Variants in WWOX observed in about 807,000 individuals in gnomAD.
WWOX encodes WW domain containing oxidoreductase.
WWOX carries 69 observed loss-of-function variants against 46.2 expected under a neutral mutation model. The observed-to-expected ratio is 1.49, with a 90% CI of 1.23 to 1.82. The LOEUF (loss-of-function observed/expected upper bound fraction) is 1.82. Among genes scored for constraint, WWOX ranks in the 40% most tolerant of loss-of-function variants. The pLI is 0.00. For synonymous variants in WWOX, 359 were observed against 202.6 expected (o/e 1.77, Z -6.56); for missense variants, 919 against 542.6 (o/e 1.69, Z -6.89).
intron 8 of WWOX, among the ~76,000 whole-genome samples, chr16:78,717,589 A>G (rs1005641913): frequency 6.6e-6 from 1 of 152,156 alleles, no homozygotes; most frequent in African/African-American, 2.4e-5. Flanking sequence ...GGAAGAGATT[A>G]ATGAGTTGGG....
intron 8 of WWOX, among the ~76,000 whole-genome samples, chr16:79,017,739 C>G (rs1257608025): frequency 6.6e-6 from 1 of 151,626 alleles, no homozygotes; most frequent in Non-Finnish European, 1.5e-5. Context: ...CTAAAAAAGC[C>G]ATGGGTTATT....
intron 8 of WWOX, among the ~76,000 whole-genome samples, chr16:78,843,733 C>T (rs1199846612): frequency 2.0e-5 from 3 of 152,180 alleles, no homozygotes; most frequent in African/African-American, 7.2e-5. Flanking sequence ...AAAACAAAGA[C>T]AGCCAGCATA....
At chr16:78,175,498 GCTT>G (rs1275976263) in intron 5 of WWOX, among the ~76,000 whole-genome samples, 1 of 152,160 alleles carries the variant, frequency 6.6e-6, no homozygotes, top group Non-Finnish European at 1.5e-5. Context: ...AGGCTTCGTG[GCTT>G]CTTCTTGCTC....
chr16:78,366,092 C>G (rs947331523), intron 5 of WWOX, among the ~76,000 whole-genome samples: 1 of 152,100 alleles, frequency 6.6e-6, no homozygotes, highest in Admixed American at 6.5e-5. Context: ...CCTAAATGCC[C>G]AGGTATTAGC....
chr16:79,133,395 G>A (rs1329525519), intron 8 of WWOX, among the ~76,000 whole-genome samples: 1 of 152,166 alleles, frequency 6.6e-6, no homozygotes, highest in Non-Finnish European at 1.5e-5. Flanking sequence ...AGCAAAGATT[G>A]ATGTCAATAT....
intron 8 of WWOX, among the ~76,000 whole-genome samples, chr16:78,889,943 G>A (rs1249955680): frequency 6.6e-6 from 1 of 152,064 alleles, no homozygotes; most frequent in African/African-American, 2.4e-5. Flanking sequence ...TAAATTAGAT[G>A]TGTACCATCT....
rs947569618 is a variant in WWOX, at chr16:78,868,686, T to C, written c.1057-342922T>C. ...CAGTTTAGCAAGAGTCACTCTGAGATTGAAGAGAGGAAGGGAACGTTGGAA... is the reference window on the plus strand; with the variant it reads ...CAGTTTAGCAAGAGTCACTCTGAGACTGAAGAGAGGAAGGGAACGTTGGAA... On this transcript the variant is annotated intron_variant, in intron 8 of 8. Transcript: ENST00000566780. 3.9e-5 allele frequency among the ~76,000 whole-genome samples: 6 copies of C among 152,172 alleles called. No homozygotes were observed. In the East Asian group the frequency reaches 1.2e-3, roughly 29 times the overall value.
chr16:78,422,993 C>T (rs145570766), intron 6 of WWOX, among the ~76,000 whole-genome samples: 2 of 150,526 alleles, frequency 1.3e-5, no homozygotes, highest in African/African-American at 2.5e-5. Flanking sequence ...TCAAGTGATT[C>T]TCCTGCCTTA....
At chr16:78,884,825 T>C (rs2044419703) in intron 8 of WWOX, among the ~76,000 whole-genome samples, 1 of 152,244 alleles carries the variant, frequency 6.6e-6, no homozygotes, top group Non-Finnish European at 1.5e-5. Flanking sequence ...AACAAAAAGT[T>C]CATGGACAAA....
At chr16:78,799,423 T>G (rs1262467604) in intron 8 of WWOX, among the ~76,000 whole-genome samples, 1 of 152,230 alleles carries the variant, frequency 6.6e-6, no homozygotes, top group Non-Finnish European at 1.5e-5. Flanking sequence ...TACCAGCATT[T>G]AAGGTTTTCT....
intron 8 of WWOX, among the ~76,000 whole-genome samples, chr16:78,682,158 A>T (rs192288381): frequency 1.0e-3 from 153 of 152,272 alleles, no homozygotes; most frequent in Non-Finnish European, 1.3e-3. Flanking sequence ...TATTTTTACT[A>T]ATTATTTTTT....
At chr16:79,083,033 C>G (rs926270678) in intron 8 of WWOX, among the ~76,000 whole-genome samples, 8 of 152,146 alleles carry the variant, frequency 5.3e-5, no homozygotes, top group Non-Finnish European at 1.2e-4. Context: ...CAGCAGAGAA[C>G]TTGGGGCCTC....
intron 8 of WWOX, among the ~76,000 whole-genome samples, chr16:78,443,415 C>A (rs779364173): frequency 1.3e-5 from 2 of 152,140 alleles, no homozygotes; most frequent in Non-Finnish European, 2.9e-5. Context: ...AGATTTTAAG[C>A]CCTCCAGTTG....
intron 4 of WWOX, among the ~76,000 whole-genome samples, chr16:78,120,338 A>G (rs1201733181): frequency 6.6e-6 from 1 of 152,180 alleles, no homozygotes; most frequent in Non-Finnish European, 1.5e-5. Flanking sequence ...TGAGAGGCCG[A>G]GGCGGGTGGA....
At chr16:78,944,339 C>T (rs930594550) in intron 8 of WWOX, among the ~76,000 whole-genome samples, 11 of 152,126 alleles carry the variant, frequency 7.2e-5, no homozygotes, top group African/African-American at 2.7e-4. Flanking sequence ...ATGTACCATG[C>T]TGTGAACTCC....
At position 79,010,035 on chromosome 16, in the gene WWOX, C is replaced by G. The variant is rs550951821; in HGVS notation, c.1057-201573C>G. Among the ~76,000 whole-genome samples the G allele has an allele frequency of 9.2e-5, 14 of 152,254 alleles. No homozygotes were observed. The South Asian group carries it at 2.9e-3, about 32-fold the overall frequency. ...GAAGAATAATGGGTCTTGAGTATGC[C>G]TAGAATTGAGCAAGCTGCTATGCTT... is the stretch of plus-strand genomic sequence containing the variant. On this transcript the variant is annotated intron_variant, in intron 8 of 8. Transcript: ENST00000566780.
chr16:78,779,257 A>G (rs2050267114), intron 8 of WWOX, among the ~76,000 whole-genome samples: 2 of 152,152 alleles, frequency 1.3e-5, no homozygotes, highest in African/African-American at 2.4e-5. Flanking sequence ...GGATCCTCCC[A>G]TCTCAGCCTC....
chr16:79,116,882 A>G (rs558095543), intron 8 of WWOX, among the ~76,000 whole-genome samples: 7 of 152,238 alleles, frequency 4.6e-5, no homozygotes, highest in African/African-American at 1.7e-4. Flanking sequence ...GTAGGCTTCT[A>G]AAATGTATTT....
intron 5 of WWOX, among the ~76,000 whole-genome samples, chr16:78,173,859 G>C (rs2035244614): frequency 6.6e-6 from 1 of 152,134 alleles, no homozygotes; most frequent in South Asian, 2.1e-4. Flanking sequence ...CCGAGACGAG[G>C]GTGCCAACCT....
Sources: gnomAD v4.1 joint callset for allele counts (sites outside exome capture counted in the v4.1 genomes callset) on GRCh38, gnomAD v4.1.1 for gene constraint, MANE v1.5 for transcripts, NCBI Gene and HGNC (gene_info 2026-07-23, HGNC 2026-07-21) for gene names.